EPHB1: variants seen among roughly 807,000 people sequenced by gnomAD.
The protein encoded by EPHB1 is EPH receptor B1.
EPHB1 carries 30 observed loss-of-function variants against 94.4 expected under a neutral mutation model. The ratio of observed to expected loss-of-function variants is 0.32; its 90% CI spans 0.24 to 0.43. The LOEUF (loss-of-function observed/expected upper bound fraction) is 0.43, where lower values mean the gene tolerates loss of function less well. Among genes scored for constraint, EPHB1 ranks in the 20% least tolerant of loss-of-function variants. The pLI, the probability that EPHB1 is intolerant of heterozygous loss-of-function variation, is 1.00. For missense variants in EPHB1, 1,055 were observed against 1,308.3 expected, an observed-to-expected ratio of 0.81 and a Z score of 2.99; for synonymous variants, 522 against 489.1, an observed-to-expected ratio of 1.07 and a Z score of -0.89.
intron 3 of EPHB1, among the ~76,000 whole-genome samples, chr3:135,005,052 C>T (rs1935343195): frequency 6.6e-6 from 1 of 152,220 alleles, no homozygotes; most frequent in Non-Finnish European, 1.5e-5. Flanking sequence ...TTAGAGTTTC[C>T]ATTTTTTCTG....
At chr3:135,173,645 C>T (rs1330723791) in intron 9 of EPHB1, among the ~76,000 whole-genome samples, 13 of 152,264 alleles carry the variant, frequency 8.5e-5, no homozygotes, top group African/African-American at 1.9e-4. Flanking sequence ...TTCTAGTGCT[C>T]GTCAGCCTTC....
chr3:135,076,616 A>G (rs964907828), intron 3 of EPHB1, among the ~76,000 whole-genome samples: 3 of 152,364 alleles, frequency 2.0e-5, no homozygotes, highest in East Asian at 1.9e-4. Flanking sequence ...GAATGAAAAC[A>G]TATGTCCATG....
At chr3:134,962,683 A>T (rs1671265239) in intron 3 of EPHB1, among the ~76,000 whole-genome samples, 1 of 151,180 alleles carries the variant, frequency 6.6e-6, no homozygotes, top group Non-Finnish European at 1.5e-5. Flanking sequence ...CCTTCACCCC[A>T]CATCCTTTCC....
intron 3 of EPHB1, among the ~76,000 whole-genome samples, chr3:134,975,600 A>G (rs2107730582): frequency 6.6e-6 from 1 of 152,182 alleles, no homozygotes; most frequent in South Asian, 2.1e-4. Context: ...TCCTGTACTG[A>G]GGGCTTTGCT....
chr3:135,088,160 A>G (rs1226187246), intron 3 of EPHB1, among the ~76,000 whole-genome samples: 2 of 152,158 alleles, frequency 1.3e-5, no homozygotes, highest in Admixed American at 6.5e-5. Flanking sequence ...TGACTTGAAC[A>G]TGTGACTTTT....
intron 3 of EPHB1, among the ~76,000 whole-genome samples, chr3:134,978,387 TA>T (rs1284040600): frequency 3.3e-5 from 5 of 152,086 alleles, no homozygotes; most frequent in Non-Finnish European, 7.4e-5. Context: ...ATTACTCCCA[TA>T]AAAAAGTCTG....
At chr3:134,989,842 A>AT (rs1934733172) in intron 3 of EPHB1, among the ~76,000 whole-genome samples, 1 of 152,226 alleles carries the variant, frequency 6.6e-6, no homozygotes, top group Non-Finnish European at 1.5e-5. Flanking sequence ...TGAGATTTAA[A>AT]TCACTATTTT....
At chr3:135,089,098 C>T (rs1415116914) in intron 3 of EPHB1, among the ~76,000 whole-genome samples, 1 of 152,134 alleles carries the variant, frequency 6.6e-6, no homozygotes, top group Non-Finnish European at 1.5e-5. Flanking sequence ...ACTCCTTTCT[C>T]CAGGAAGTTA....
intron 1 of EPHB1, among the ~76,000 whole-genome samples, chr3:134,837,633 A>G (rs2036696794): frequency 6.6e-6 from 1 of 152,208 alleles, no homozygotes; most frequent in African/African-American, 2.4e-5. Flanking sequence ...AGGCATACTT[A>G]GCTGGGGGCT....
intron 3 of EPHB1, among the ~76,000 whole-genome samples, chr3:135,098,814 C>G (rs1938909933): frequency 1.3e-5 from 2 of 152,012 alleles, no homozygotes; most frequent in Non-Finnish European, 2.9e-5. Flanking sequence ...GTGCTCAGAA[C>G]AAGCCTGGCC....
chr3:135,249,258 T>C, intron 14 of EPHB1, 78 bp from the exon 15 acceptor site: 1 of 1,471,574 alleles, frequency 6.8e-7, no homozygotes, highest in South Asian at 1.3e-5. Context: ...TTCCATGAAG[T>C]CAGCTGTCAG....
At chr3:135,081,904 T>C (rs1938178649) in intron 3 of EPHB1, among the ~76,000 whole-genome samples, 1 of 151,924 alleles carries the variant, frequency 6.6e-6, no homozygotes, top group African/African-American at 2.4e-5. Flanking sequence ...CAGAGCTGCA[T>C]AACTTCTGCA....
chr3:134,959,742 C>T (rs1463103567), intron 3 of EPHB1, among the ~76,000 whole-genome samples: 2 of 152,106 alleles, frequency 1.3e-5, no homozygotes, highest in African/African-American at 4.8e-5. Context: ...GAAGAAAAGG[C>T]TCTGAGGCTT....
chr3:134,851,612 T>C (rs1362716056), intron 1 of EPHB1, among the ~76,000 whole-genome samples: 14 of 152,222 alleles, frequency 9.2e-5, no homozygotes, highest in Admixed American at 9.2e-4. Context: ...CAGTCCCTCA[T>C]GGGGGCAAAA....
chr3:134,974,546 T>G, intron 3 of EPHB1, among the ~76,000 whole-genome samples: 1 of 151,620 alleles, frequency 6.6e-6, no homozygotes, highest in Non-Finnish European at 1.5e-5. Flanking sequence ...CTTGCATGCA[T>G]AGCGTGCTGT....
chr3:135,200,487 G>A (rs575543075), intron 11 of EPHB1, among the ~76,000 whole-genome samples: 36 of 152,312 alleles, frequency 2.4e-4, no homozygotes, highest in African/African-American at 7.7e-4. Flanking sequence ...CAGTCTAAGG[G>A]CTGAAAGCCC....
chr3:134,912,159 G>GC (rs1401556223), intron 1 of EPHB1, among the ~76,000 whole-genome samples: 1 of 152,182 alleles, frequency 6.6e-6, no homozygotes, highest in Non-Finnish European at 1.5e-5. Flanking sequence ...GGTGATTGAT[G>GC]CCCCCTGGGT....
At chr3:135,237,929 G>C (rs1000765463) in intron 12 of EPHB1, among the ~76,000 whole-genome samples, 1 of 152,162 alleles carries the variant, frequency 6.6e-6, no homozygotes, top group African/African-American at 2.4e-5. Context: ...AACCCTGCCT[G>C]CTGCAGCAGG....
At chr3:135,086,413 C>T (rs1429347460) in intron 3 of EPHB1, among the ~76,000 whole-genome samples, 1 of 151,786 alleles carries the variant, frequency 6.6e-6, no homozygotes, top group African/African-American at 2.4e-5. Context: ...TGCCCCACTT[C>T]AAGACTTCCC....
Sources: gnomAD v4.1 joint callset for allele counts (sites outside exome capture counted in the v4.1 genomes callset) on GRCh38, gnomAD v4.1.1 for gene constraint, MANE v1.5 for transcripts, NCBI Gene and HGNC (gene_info 2026-07-23, HGNC 2026-07-21) for gene names.